Variants in FREM1 observed in about 807,000 individuals in gnomAD.
FREM1 encodes the protein FRAS1-related extracellular matrix protein 1.
A neutral mutation model predicts 210.1 loss-of-function variants in FREM1; 220 were observed. The ratio of observed to expected loss-of-function variants is 1.05; its 90% CI spans 0.94 to 1.17. FREM1 has a LOEUF of 1.17. FREM1 is among the 50% of genes most tolerant of loss of function. The pLI is 0.00. For synonymous variants in FREM1, 1,189 were observed against 980.2 expected (o/e 1.21, Z -3.98); for missense variants, 3,454 against 2,675.5 (o/e 1.29, Z -6.42).
intron 10 of FREM1, among the ~76,000 whole-genome samples, chr9:14,833,057 T>C (rs1228050481): frequency 1.3e-5 from 2 of 152,164 alleles, no homozygotes; most frequent in Non-Finnish European, 2.9e-5. Flanking sequence ...CAATACTTTG[T>C]TTTAGTCTCT....
Position 14,801,682 on chromosome 9 carries a change from G to C in FREM1, c.3664C>G (p.His1222Asp). Reference protein sequence around the residue: ...ANPHQKHAPVHSFSMELLKTG... With the variant: ...ANPHQKHAPVDSFSMELLKTG... ...TTGAGGAGTTCCATGGAAAAGCTGT[G>C]AACAGGTGCATGTTTCTGGTGAGGG... is the stretch of plus-strand genomic sequence containing the variant. The change falls in exon 20 of 37, where the codon CAC becomes GAC. Residue 1222 changes from histidine to aspartate, a missense_variant. Physicochemically the swap from His to Asp is moderately conservative, Grantham distance 81. Transcript: ENST00000380880. 1 of 1,613,634 alleles carries C rather than the reference G, an allele frequency of 6.2e-7. No individual in the cohort carries two copies. The highest frequency in any genetic ancestry group is 8.5e-7 in the Non-Finnish European group (1 of 1,179,574).
At chr9:14,873,945 C>A (rs1052492836) in intron 1 of FREM1, among the ~76,000 whole-genome samples, 1 of 152,076 alleles carries the variant, frequency 6.6e-6, no homozygotes, top group Non-Finnish European at 1.5e-5. Flanking sequence ...CATTCAGGAG[C>A]AGGTTGTTCA....
intron 1 of FREM1, among the ~76,000 whole-genome samples, chr9:14,872,824 T>C (rs1207156807): frequency 1.3e-5 from 2 of 152,100 alleles, no homozygotes; most frequent in Non-Finnish European, 2.9e-5. Context: ...ATAGCTTTTA[T>C]TATTTTGAGA....
At chr9:14,900,293 G>A (rs923184924) in intron 1 of FREM1, among the ~76,000 whole-genome samples, 16 of 152,124 alleles carry the variant, frequency 1.1e-4, no homozygotes, top group African/African-American at 3.9e-4. Flanking sequence ...AAGTACTCCA[G>A]GTGATTCTAA....
chr9:14,801,035 G>C (rs146109032), intron 20 of FREM1, among the ~76,000 whole-genome samples: 3,147 of 152,228 alleles, frequency 0.021, 60 homozygotes, highest in Non-Finnish European at 0.027. Flanking sequence ...CTGTCGCCCA[G>C]GCTGGAAGTC....
At chr9:14,898,728 ACT>A (rs1176590852) in intron 1 of FREM1, among the ~76,000 whole-genome samples, 3 of 152,118 alleles carry the variant, frequency 2.0e-5, no homozygotes, top group Non-Finnish European at 4.4e-5. Flanking sequence ...GGCGACAGAG[ACT>A]CTGTCTCAAA....
chr9:14,882,534 T>C lies in FREM1; in HGVS notation c.-267-13290A>G, dbSNP rs1237409536. On this transcript the variant is annotated intron_variant, in intron 1 of 36. Coordinates refer to ENST00000380880, the MANE Select transcript of FREM1 (RefSeq NM_001379081.2). ...GCAGTGCAGTAGCACAGCCTTGGCT[T>C]ACTGCAACCTCCTGGGTTCAAGCAA... 3.3e-5 allele frequency among the ~76,000 whole-genome samples: 5 copies of C among 151,316 alleles called. No homozygotes were observed. In the East Asian group the frequency reaches 5.8e-4, roughly 18 times the overall value.
intron 1 of FREM1, among the ~76,000 whole-genome samples, chr9:14,898,979 T>C (rs138406783): frequency 1.4e-4 from 21 of 152,334 alleles, no homozygotes; most frequent in African/African-American, 5.1e-4. Context: ...TACTAATTTA[T>C]AAAAAGTTGT....
chr9:14,739,463 T>TATATATATATATATATATATATAATTC lies in FREM1; in HGVS notation c.6340+685_6340+686insGAATTATATATATATATATATATATAT, dbSNP rs58425457. ...TAATTATTTGGAATATATATATATA[T>TATATATATATATATATATATATAATTC]ATATATATATATAATTCATATATAT... On this transcript the variant is annotated intron_variant, in intron 36 of 36. Coordinates refer to ENST00000380880, the MANE Select transcript of FREM1 (RefSeq NM_001379081.2). 3.7e-3 allele frequency among the ~76,000 whole-genome samples: 508 copies of TATATATATATATATATATATATAATTC among 138,114 alleles called. 4 individuals carry two copies. Among genetic ancestry groups the TATATATATATATATATATATATAATTC allele is most frequent in the African/African-American group, 0.013 (471 of 37,414 alleles). The allele number at this position is 138,114 out of a possible 152,430, so 90.6% of individuals were successfully genotyped here.
chr9:14,770,460 GC>G (rs1847334885), intron 26 of FREM1, 144 bp downstream of exon 26: 1 of 617,830 alleles, frequency 1.6e-6, no homozygotes, highest in Non-Finnish European at 2.8e-6. Flanking sequence ...CTCTTTAGGA[GC>G]AATATTGATT....
At chr9:14,779,439 G>A in intron 24 of FREM1, 1 of 975,886 alleles carries the variant, frequency 1.0e-6, no homozygotes, top group East Asian at 1.1e-4. Context: ...GGGACCAGGA[G>A]CAACAAACCC....
intron 26 of FREM1, 93 bp from the exon 27 acceptor site, chr9:14,769,961 G>A (rs1278978048): frequency 4.9e-6 from 3 of 612,250 alleles, no homozygotes; most frequent in Non-Finnish European, 2.7e-6. Flanking sequence ...TTTAAACACA[G>A]CTTTAAAAAA....
chr9:14,850,643 T>C (rs1263419683), intron 6 of FREM1: 1 of 152,180 alleles, frequency 6.6e-6, no homozygotes, highest in Non-Finnish European at 1.5e-5. Context: ...GATGGGTTGA[T>C]AGGTACAGCA....
chr9:14,842,689 T>C (rs1438368489), intron 8 of FREM1, 29 bp from the exon 9 acceptor site: 4 of 1,546,874 alleles, frequency 2.6e-6, no homozygotes, highest in Non-Finnish European at 3.6e-6. Context: ...ATGGAGCAGA[T>C]TGAGCAAGGG....
intron 35 of FREM1, among the ~76,000 whole-genome samples, chr9:14,740,985 TAAAAA>T (rs980539936): frequency 6.6e-6 from 1 of 151,772 alleles, no homozygotes; most frequent in Admixed American, 6.6e-5. Flanking sequence ...TCTTTAAAAA[TAAAAA>T]AAACAGAAAG....
At chr9:14,774,044 T>G in intron 25 of FREM1, 1 of 507,358 alleles carries the variant, frequency 2.0e-6, no homozygotes, top group South Asian at 1.5e-5. Flanking sequence ...AACAATAATT[T>G]TAATACAAAG....
At chr9:14,856,513 G>C (rs1828757361) in intron 5 of FREM1, among the ~76,000 whole-genome samples, 1 of 152,184 alleles carries the variant, frequency 6.6e-6, no homozygotes, top group African/African-American at 2.4e-5. Flanking sequence ...TGAGAAGCCA[G>C]ATTGTGAAAG....
chr9:14,873,735 T>C (rs1250086306), intron 1 of FREM1, among the ~76,000 whole-genome samples: 23 of 152,144 alleles, frequency 1.5e-4, no homozygotes, highest in Admixed American at 1.4e-3. Context: ...GCTCTTGCTT[T>C]TCTAGTTCTT....
intron 1 of FREM1, among the ~76,000 whole-genome samples, chr9:14,888,277 C>T (rs1048263447): frequency 9.2e-5 from 14 of 152,148 alleles, no homozygotes; most frequent in Non-Finnish European, 1.3e-4. Context: ...ACCTTGTCAT[C>T]GCAATTAGAG....
Sources: gnomAD v4.1 joint callset for allele counts (sites outside exome capture counted in the v4.1 genomes callset) on GRCh38, gnomAD v4.1.1 for gene constraint, MANE v1.5 for transcripts, NCBI Gene and HGNC (gene_info 2026-07-23, HGNC 2026-07-21) for gene names.